Variants in SENP7 observed in about 807,000 individuals in gnomAD.
SENP7 encodes SUMO specific peptidase 7.
Under a neutral mutation model 141.2 loss-of-function variants are expected in SENP7, and 64 were observed. The observed-to-expected ratio is 0.45, with a 90% confidence interval of 0.37 to 0.56. The LOEUF is 0.56. Among genes scored for constraint, SENP7 ranks in the 20% least tolerant of loss-of-function variants. The probability of loss-of-function intolerance (pLI) is 0.00; values close to 1 mark genes in which losing one functional copy is unlikely to be tolerated. For missense variants in SENP7, 1,025 were observed against 1,212.2 expected, an observed-to-expected ratio of 0.85 and a Z score of 2.29; for synonymous variants, 382 against 426.4, an observed-to-expected ratio of 0.90 and a Z score of 1.28.
intron 5 of SENP7, among the ~76,000 whole-genome samples, chr3:101,406,471 ATATCT>A (rs749151462): frequency 6.6e-6 from 1 of 151,976 alleles, no homozygotes; most frequent in Non-Finnish European, 1.5e-5. Flanking sequence ...ATTAGGAGAT[ATATCT>A]AATGTAAATG....
At chr3:101,440,956 C>T (rs974896610) in intron 4 of SENP7, among the ~76,000 whole-genome samples, 16 of 151,972 alleles carry the variant, frequency 1.1e-4, no homozygotes, top group Admixed American at 7.9e-4. Context: ...TTTTGAAAGC[C>T]GCTACCAAAT....
intron 20 of SENP7, among the ~76,000 whole-genome samples, chr3:101,329,400 C>T (rs1393470995): frequency 6.6e-6 from 1 of 152,076 alleles, no homozygotes; most frequent in Non-Finnish European, 1.5e-5. Flanking sequence ...GGAAAGGAAG[C>T]CTTCCTCCGT....
intron 1 of SENP7, among the ~76,000 whole-genome samples, chr3:101,511,180 C>G (rs184522865): frequency 6.6e-6 from 1 of 152,234 alleles, no homozygotes; most frequent in Admixed American, 6.5e-5. Flanking sequence ...AGAGATATAA[C>G]TAACGTAAAT....
intron 3 of SENP7, among the ~76,000 whole-genome samples, chr3:101,459,680 C>T (rs2063486780): frequency 6.6e-6 from 1 of 152,070 alleles, no homozygotes; most frequent in Non-Finnish European, 1.5e-5. Context: ...GTTTTACTTC[C>T]ACATCACAGA....
intron 17 of SENP7, 102 bp downstream of exon 17, chr3:101,337,407 A>C: frequency 1.3e-6 from 1 of 754,644 alleles, no homozygotes; most frequent in Non-Finnish European, 2.0e-6. Context: ...AAATGGTAGT[A>C]CTGCCTACTT....
Position 101,366,782 on chromosome 3 carries a change from A to G in SENP7, c.979-13T>C. Reference sequence around the variant, plus strand: ...CTTCTTGTTTTTTCTAAACATAAACACATAGAAAAAAATAGCATTTTTCAA... The same window carrying G: ...CTTCTTGTTTTTTCTAAACATAAACGCATAGAAAAAAATAGCATTTTTCAA... On this transcript the variant is annotated splice_polypyrimidine_tract_variant and intron_variant, in intron 8 of 23. Coordinates refer to ENST00000394095, the MANE Select transcript of SENP7 (RefSeq NM_020654.5). 1 of 1,519,054 alleles carries G rather than the reference A, an allele frequency of 6.6e-7. No individual in the cohort carries two copies. Among genetic ancestry groups the G allele is most frequent in the Non-Finnish European group, 8.9e-7 (1 of 1,129,652 alleles). 94.1% of individuals were successfully genotyped at this position (1,519,054 alleles called of 1,614,324 possible). A position where few individuals can be genotyped will look rare whatever the true frequency, so the allele number is the denominator to read the frequency against.
intron 3 of SENP7, among the ~76,000 whole-genome samples, chr3:101,483,648 C>T (rs1472276301): frequency 6.6e-6 from 1 of 152,148 alleles, no homozygotes; most frequent in Admixed American, 6.5e-5. Context: ...ACGGTATTTT[C>T]AACAAACTGT....
At position 101,340,044 on chromosome 3, in the gene SENP7, T is replaced by C. The variant is rs146308613; in HGVS notation, c.2357+51A>G. On this transcript the variant is annotated intron_variant, in intron 16 of 23. Coordinates refer to ENST00000394095, the MANE Select transcript of SENP7 (RefSeq NM_020654.5). ...CAGAGATAAAGACATTTATTTTAAG[T>C]TTCTCAGTAAAATCTGTAAAATATG... 1.9e-4 allele frequency: 282 copies of C among 1,476,774 alleles called. 2 individuals carry two copies. In the African/African-American group the frequency reaches 3.5e-3, roughly 19 times the overall value. 91.5% of individuals were successfully genotyped at this position (1,476,774 alleles called of 1,614,324 possible).
At chr3:101,378,848 T>C (rs2060414293) in intron 6 of SENP7, among the ~76,000 whole-genome samples, 2 of 152,038 alleles carry the variant, frequency 1.3e-5, no homozygotes, top group Admixed American at 6.5e-5. Flanking sequence ...AGACAAGAAT[T>C]GTATCTCATT....
intron 5 of SENP7, among the ~76,000 whole-genome samples, chr3:101,411,198 A>G (rs1310973525): frequency 6.6e-6 from 1 of 152,248 alleles, no homozygotes; most frequent in East Asian, 1.9e-4. Context: ...AGCAGTTAGC[A>G]TAATTCCTGG....
At chr3:101,422,657 C>T (rs1559801616) in intron 4 of SENP7, among the ~76,000 whole-genome samples, 1 of 152,106 alleles carries the variant, frequency 6.6e-6, no homozygotes, top group Non-Finnish European at 1.5e-5. Flanking sequence ...AACCATTATA[C>T]TAATACTCAC....
chr3:101,490,227 A>G (rs1183796848), intron 3 of SENP7, among the ~76,000 whole-genome samples: 1 of 152,110 alleles, frequency 6.6e-6, no homozygotes, highest in African/African-American at 2.4e-5. Context: ...AAAGAGCCTA[A>G]AAGTCAGTCA....
chr3:101,344,403 T>C (rs2059401760), intron 13 of SENP7, among the ~76,000 whole-genome samples: 1 of 152,224 alleles, frequency 6.6e-6, no homozygotes, highest in Non-Finnish European at 1.5e-5. Flanking sequence ...TAAATGGCTG[T>C]TTCTATTTTC....
At chr3:101,440,744 C>T (rs1431828234) in intron 4 of SENP7, among the ~76,000 whole-genome samples, 6 of 152,044 alleles carry the variant, frequency 3.9e-5, no homozygotes, top group African/African-American at 1.4e-4. Flanking sequence ...GAATCTCCCT[C>T]TCGTATACAA....
At chr3:101,486,091 T>A (rs2064716613) in intron 3 of SENP7, among the ~76,000 whole-genome samples, 1 of 151,046 alleles carries the variant, frequency 6.6e-6, no homozygotes, top group Non-Finnish European at 1.5e-5. Flanking sequence ...ATGAACAGAG[T>A]CTCCAAGAAG....
intron 3 of SENP7, among the ~76,000 whole-genome samples, chr3:101,479,754 G>A (rs1313882853): frequency 2.0e-5 from 3 of 146,474 alleles, no homozygotes; most frequent in South Asian, 2.2e-4. Flanking sequence ...GCAGTGAGCC[G>A]AGACCATGCC....
At chr3:101,397,373 TCC>T (rs1323895604) in intron 6 of SENP7, among the ~76,000 whole-genome samples, 39 of 152,264 alleles carry the variant, frequency 2.6e-4, no homozygotes, top group Middle Eastern at 6.8e-3. Context: ...CCTCAAGTGA[TCC>T]TCGTGCCTCA....
intron 4 of SENP7, among the ~76,000 whole-genome samples, chr3:101,432,753 C>A (rs2062232349): frequency 1.3e-5 from 2 of 152,164 alleles, no homozygotes; most frequent in African/African-American, 4.8e-5. Context: ...AAGCTTAGAG[C>A]ATAACACCCA....
chr3:101,398,442 A>G (rs565486203), intron 6 of SENP7, among the ~76,000 whole-genome samples: 8 of 152,374 alleles, frequency 5.3e-5, no homozygotes, highest in African/African-American at 1.9e-4. Flanking sequence ...CCTGGGCGAC[A>G]GAACGAGACT....
Sources: allele counts gnomAD v4.1 joint callset (sites outside exome capture counted in the v4.1 genomes callset), GRCh38; gene constraint gnomAD v4.1.1; transcripts MANE v1.5; gene names NCBI Gene and HGNC (gene_info 2026-07-23, HGNC 2026-07-21).